Variants in BTBD9 observed in about 807,000 individuals in gnomAD.
BTBD9 encodes the protein BTB/POZ domain-containing protein 9.
Under a neutral mutation model 64.3 loss-of-function variants are expected in BTBD9, and 49 were observed. The ratio of observed to expected loss-of-function variants is 0.76; its 90% CI spans 0.61 to 0.97. The LOEUF is 0.97. Among genes scored for constraint, BTBD9 ranks in the 50% least tolerant of loss-of-function variants. The pLI, the probability that BTBD9 is intolerant of heterozygous loss-of-function variation, is 0.00. For synonymous variants in BTBD9, 260 were observed against 274.7 expected (o/e 0.95, Z 0.53); for missense variants, 598 against 762.1 (o/e 0.78, Z 2.53).
intron 7 of BTBD9, among the ~76,000 whole-genome samples, chr6:38,329,877 TG>T (rs1763604224): frequency 6.6e-6 from 1 of 151,818 alleles, no homozygotes; most frequent in Admixed American, 6.6e-5. Flanking sequence ...TGCTTAAACC[TG>T]GGAGGCTGAG....
intron 8 of BTBD9, among the ~76,000 whole-genome samples, chr6:38,264,418 A>C (rs1398821581): frequency 1.3e-5 from 2 of 152,186 alleles, no homozygotes; most frequent in Admixed American, 1.3e-4. Flanking sequence ...GGAGAGAGGT[A>C]AGGAGTTGTG....
At chr6:38,322,916 C>G (rs532510651) in intron 7 of BTBD9, among the ~76,000 whole-genome samples, 2 of 152,020 alleles carry the variant, frequency 1.3e-5, no homozygotes, top group Non-Finnish European at 2.9e-5. Flanking sequence ...CTTTTCTTCA[C>G]GTACTATATC....
At chr6:38,175,770 A>G (rs886974310) in intron 10 of BTBD9, among the ~76,000 whole-genome samples, 1 of 152,154 alleles carries the variant, frequency 6.6e-6, no homozygotes, top group African/African-American at 2.4e-5. Flanking sequence ...CTGCAATGGC[A>G]TGGTGTCCTG....
chr6:38,624,393 T>G (rs1396584530), intron 1 of BTBD9, among the ~76,000 whole-genome samples: 1 of 152,072 alleles, frequency 6.6e-6, no homozygotes, highest in Non-Finnish European at 1.5e-5. Flanking sequence ...TGTGCCATCT[T>G]TAAGAGCTGT....
intron 6 of BTBD9, among the ~76,000 whole-genome samples, chr6:38,543,501 C>A (rs1294800663): frequency 6.6e-6 from 1 of 152,216 alleles, no homozygotes; most frequent in Admixed American, 6.5e-5. Flanking sequence ...AGAGCTCTTA[C>A]AATTTTCAAT....
At chr6:38,523,169 C>A (rs1011207310) in intron 6 of BTBD9, among the ~76,000 whole-genome samples, 5 of 152,056 alleles carry the variant, frequency 3.3e-5, no homozygotes, top group African/African-American at 1.2e-4. Flanking sequence ...GGTGACAGAG[C>A]AGGACTTCGT....
At chr6:38,178,626 C>A (rs1761391529) in intron 10 of BTBD9, among the ~76,000 whole-genome samples, 1 of 151,794 alleles carries the variant, frequency 6.6e-6, no homozygotes, top group Non-Finnish European at 1.5e-5. Context: ...GAAGAGGCAG[C>A]CAAGCTAGAG....
chr6:38,299,093 G>T (rs1321004391), intron 7 of BTBD9, among the ~76,000 whole-genome samples: 1 of 152,094 alleles, frequency 6.6e-6, no homozygotes, highest in Non-Finnish European at 1.5e-5. Flanking sequence ...ACCTATGAGT[G>T]AGAACATGCA....
At chr6:38,553,676 T>C (rs1582623740) in intron 6 of BTBD9, among the ~76,000 whole-genome samples, 1 of 152,286 alleles carries the variant, frequency 6.6e-6, no homozygotes, top group East Asian at 1.9e-4. Context: ...GTTAATAATC[T>C]AGCTAAATGA....
intron 6 of BTBD9, among the ~76,000 whole-genome samples, chr6:38,567,040 A>G (rs1775555748): frequency 6.6e-6 from 1 of 152,230 alleles, no homozygotes; most frequent in Non-Finnish European, 1.5e-5. Flanking sequence ...GGGCAATGCA[A>G]AACAGGATTT....
At chr6:38,314,131 T>A (rs1174270567) in intron 7 of BTBD9, among the ~76,000 whole-genome samples, 1 of 150,954 alleles carries the variant, frequency 6.6e-6, no homozygotes, top group Admixed American at 6.6e-5. Context: ...ACATTTGTTG[T>A]TTGTTAGTAT....
At chr6:38,197,037 A>G (rs1372059332) in intron 9 of BTBD9, among the ~76,000 whole-genome samples, 1 of 152,230 alleles carries the variant, frequency 6.6e-6, no homozygotes, top group African/African-American at 2.4e-5. Context: ...TGTAATGCAA[A>G]TGAAATCATG....
intron 8 of BTBD9, among the ~76,000 whole-genome samples, chr6:38,271,625 G>A (rs938749468): frequency 6.6e-6 from 1 of 152,060 alleles, no homozygotes; most frequent in African/African-American, 2.4e-5. Flanking sequence ...TGTATGGCCT[G>A]CAAAACCTAA....
At chr6:38,437,628 C>A (rs561517208) in intron 6 of BTBD9, among the ~76,000 whole-genome samples, 1 of 152,102 alleles carries the variant, frequency 6.6e-6, no homozygotes, top group Non-Finnish European at 1.5e-5. Flanking sequence ...AATCTTATAC[C>A]CCAGACATAT....
chr6:38,354,249 C>T (rs892935548), intron 6 of BTBD9, among the ~76,000 whole-genome samples: 2 of 152,126 alleles, frequency 1.3e-5, no homozygotes, highest in African/African-American at 4.8e-5. Flanking sequence ...TTACTCTAGA[C>T]TCCTGAGAAA....
chr6:38,396,343 T>C (rs1019158727), intron 6 of BTBD9, among the ~76,000 whole-genome samples: 1 of 152,208 alleles, frequency 6.6e-6, no homozygotes, highest in Non-Finnish European at 1.5e-5. Flanking sequence ...TCTCTAAGAT[T>C]CCCTCAGCCT....
At chr6:38,294,913 A>T (rs1254854604) in intron 7 of BTBD9, among the ~76,000 whole-genome samples, 4 of 150,842 alleles carry the variant, frequency 2.7e-5, no homozygotes, top group African/African-American at 4.9e-5. Flanking sequence ...GGTAAGTGTG[A>T]AATGGGATCT....
chr6:38,366,627 A>C (rs1765193278), intron 6 of BTBD9, among the ~76,000 whole-genome samples: 1 of 152,244 alleles, frequency 6.6e-6, no homozygotes, highest in Admixed American at 6.5e-5. Context: ...AAAACGAAAT[A>C]TTTTGGAAGC....
intron 10 of BTBD9, chr6:38,179,804 A>G (rs1761465575): frequency 2.2e-6 from 1 of 456,658 alleles, no homozygotes; most frequent in South Asian, 1.5e-5. Flanking sequence ...TGTGTGAGAA[A>G]CTAATTTTGC....
Sources: allele counts gnomAD v4.1 joint callset (sites outside exome capture counted in the v4.1 genomes callset), GRCh38; gene constraint gnomAD v4.1.1; transcripts MANE v1.5; gene names NCBI Gene and HGNC (gene_info 2026-07-23, HGNC 2026-07-21).